The following COL5A1 variants were observed in gnomAD, a reference collection of about 807,000 sequenced individuals.
The protein encoded by COL5A1 is collagen type V alpha 1 chain, also known as collagen alpha-1(V) chain.
A neutral mutation model predicts 263.7 loss-of-function variants in COL5A1; 16 were observed. That is an observed-to-expected ratio of 0.06 (90% CI 0.04 to 0.09). The LOEUF is 0.09. Among genes scored for constraint, COL5A1 ranks in the 10% least tolerant of loss-of-function variants. The pLI is 1.00. For synonymous variants in COL5A1, 1,012 were observed against 1,004.5 expected (o/e 1.01, Z -0.14); for missense variants, 2,036 against 2,540.5 (o/e 0.80, Z 4.27).
chr9:134,829,057 A>C (rs950428024), intron 63 of COL5A1, among the ~76,000 whole-genome samples: 35 of 152,168 alleles, frequency 2.3e-4, no homozygotes, highest in African/African-American at 8.0e-4. Flanking sequence ...TGAGGATGGG[A>C]TGAGGATGCC....
At chr9:134,787,372 G>C (rs539681677) in intron 31 of COL5A1, among the ~76,000 whole-genome samples, 8 of 152,336 alleles carry the variant, frequency 5.3e-5, no homozygotes, top group African/African-American at 1.9e-4. Context: ...TGGCAGGCGG[G>C]CGTGTGAGTG....
intron 11 of COL5A1, among the ~76,000 whole-genome samples, chr9:134,747,919 ATG>A (rs1435962618): frequency 6.8e-6 from 1 of 147,470 alleles, no homozygotes; most frequent in African/African-American, 2.6e-5. Flanking sequence ...ACATGCACAC[ATG>A]CATTCATACA....
chr9:134,688,574 G>T (rs1307621920), intron 1 of COL5A1, among the ~76,000 whole-genome samples: 1 of 152,198 alleles, frequency 6.6e-6, no homozygotes, highest in African/African-American at 2.4e-5. Flanking sequence ...CATGCCCGAG[G>T]GGGTGACAGA....
intron 59 of COL5A1, among the ~76,000 whole-genome samples, chr9:134,822,725 C>CA (rs370776518): frequency 2.5e-4 from 38 of 150,320 alleles, no homozygotes; most frequent in Non-Finnish European, 4.2e-4. Context: ...GCTGCGCCCC[C>CA]CCCGCGGCTG....
chr9:134,759,377 CCA>C (rs1389536316), intron 18 of COL5A1, among the ~76,000 whole-genome samples: 2 of 142,276 alleles, frequency 1.4e-5, no homozygotes, highest in East Asian at 2.3e-4. Flanking sequence ...TGCACACACA[CCA>C]CACATGCACA....
At chr9:134,694,564 T>G (rs1015003936) in intron 2 of COL5A1, among the ~76,000 whole-genome samples, 1 of 152,232 alleles carries the variant, frequency 6.6e-6, no homozygotes, top group Non-Finnish European at 1.5e-5. Flanking sequence ...GGACAGAGGC[T>G]AGAATTTCCC....
intron 27 of COL5A1, among the ~76,000 whole-genome samples, chr9:134,779,813 C>T (rs577941278): frequency 9.5e-4 from 144 of 152,250 alleles, no homozygotes; most frequent in African/African-American, 3.1e-3. Flanking sequence ...TGTTGGCTGC[C>T]GGGTGTGGGC....
chr9:134,840,817 G>T (rs1292396206), intron 65 of COL5A1, among the ~76,000 whole-genome samples: 1 of 152,156 alleles, frequency 6.6e-6, no homozygotes, highest in Non-Finnish European at 1.5e-5. Flanking sequence ...TTTTATAGGG[G>T]CACTAATACC....
At chr9:134,761,148 C>A (rs896920911) in intron 18 of COL5A1, among the ~76,000 whole-genome samples, 2 of 145,798 alleles carry the variant, frequency 1.4e-5, no homozygotes, top group Admixed American at 6.9e-5. Flanking sequence ...TGCATACACG[C>A]CACGCACACG....
rs1228574760 is a variant in COL5A1, at chr9:134,799,903, G to GCTT, written c.2952+1443_2952+1445dup. On this transcript the variant is annotated intron_variant, in intron 37 of 65. Transcript: ENST00000371817. ...CGGAGGCTGGTGAAAGAATTAAGCT[G>GCTT]CTTGTCTCTGCTCAGAAAGTTGCAC... 2.6e-5 allele frequency among the ~76,000 whole-genome samples: 4 copies of GCTT among 152,200 alleles called. No individual in the cohort carries two copies. In the East Asian group the frequency reaches 7.7e-4, roughly 29 times the overall value.
At chr9:134,811,774 A>C (rs1564475247) in intron 46 of COL5A1, among the ~76,000 whole-genome samples, 175 bp downstream of exon 46, 2 of 152,252 alleles carry the variant, frequency 1.3e-5, no homozygotes, top group Non-Finnish European at 2.9e-5. Context: ...AATTCCAGAC[A>C]TGCCCGCATT....
rs1836042339 is a variant in COL5A1 at position 134,757,913 on chromosome 9, G to C, written c.1882-330G>C. On this transcript the variant is annotated intron_variant, in intron 17 of 65. Transcript: ENST00000371817. The surrounding 1 kb of genome is among the most constrained non-coding windows in gnomAD (Gnocchi z 6.2). ...GCTCTCCTGGAGCCTCCCTGGGGTGGGGGAGATCAGCAGCAGACACTCACA... is the reference window on the plus strand; with the variant it reads ...GCTCTCCTGGAGCCTCCCTGGGGTGCGGGAGATCAGCAGCAGACACTCACA... 6.6e-6 allele frequency among the ~76,000 whole-genome samples: 1 copy of C among 152,164 alleles called. No homozygotes were observed. Among genetic ancestry groups the C allele is most frequent in the Admixed American group, 6.5e-5 (1 of 15,284 alleles).
intron 1 of COL5A1, among the ~76,000 whole-genome samples, chr9:134,655,716 G>T (rs1164551137): frequency 2.6e-5 from 4 of 152,162 alleles, no homozygotes; most frequent in Non-Finnish European, 5.9e-5. Context: ...TTGTGAAAGT[G>T]CCACAGGAGA....
chr9:134,685,434 C>T (rs865956300), intron 1 of COL5A1, among the ~76,000 whole-genome samples: 76 of 59,198 alleles, frequency 1.3e-3, no homozygotes, highest in Non-Finnish European at 2.0e-3. Flanking sequence ...ATCCATCCAT[C>T]CATCCATTGT....
intron 4 of COL5A1, among the ~76,000 whole-genome samples, chr9:134,719,370 C>T (rs1163489157): frequency 6.6e-6 from 1 of 152,240 alleles, no homozygotes; most frequent in Non-Finnish European, 1.5e-5. Flanking sequence ...ACACATATGG[C>T]CTCCTGCACC....
intron 65 of COL5A1, among the ~76,000 whole-genome samples, chr9:134,839,817 C>T (rs75883525): frequency 0.014 from 2,081 of 152,350 alleles, 17 homozygotes; most frequent in Middle Eastern, 0.027. Context: ...TGTCCAGCCC[C>T]GCTGCCCACC....
rs1564433548 is a variant in COL5A1 at position 134,753,920 on chromosome 9, C to A, written c.1773+17C>A. The A allele has an allele frequency of 6.2e-7, 1 of 1,610,768 alleles. No homozygotes were observed. The highest frequency in any genetic ancestry group is 1.3e-5 in the African/African-American group (1 of 74,950). ...GGGCCTCAGGTATGTGGGATCCTTG[C>A]CTTCGCTGTCTGGTGGGCGCCTCCC... is the stretch of plus-strand genomic sequence containing the variant. On this transcript the variant is annotated intron_variant, in intron 15 of 65. Transcript: ENST00000371817.
chr9:134,690,799 C>T (rs1359655010), intron 1 of COL5A1, 113 bp from the exon 2 acceptor site: 2 of 1,328,648 alleles, frequency 1.5e-6, no homozygotes, highest in Non-Finnish European at 2.1e-6. Flanking sequence ...TTCTGAGTGC[C>T]CAGGATTCAC....
chr9:134,816,753 C>T (rs1002087323), intron 52 of COL5A1, among the ~76,000 whole-genome samples: 12 of 152,198 alleles, frequency 7.9e-5, no homozygotes, highest in African/African-American at 2.2e-4. Context: ...TGGTGGGGAC[C>T]GAACCGTCAT....
Sources: gnomAD v4.1 joint callset for allele counts (sites outside exome capture counted in the v4.1 genomes callset) on GRCh38, gnomAD v4.1.1 for gene constraint, Gnocchi (gnomAD v3.1) non-coding constraint, MANE v1.5 for transcripts, NCBI Gene and HGNC (gene_info 2026-07-23, HGNC 2026-07-21) for gene names.